RBFOX3: variants seen among roughly 807,000 people sequenced by gnomAD.
The protein encoded by RBFOX3 is RNA binding protein fox-1 homolog 3.
RBFOX3 carries 17 observed loss-of-function variants against 48.7 expected under a neutral mutation model. The observed-to-expected ratio is 0.35, with a 90% confidence interval of 0.24 to 0.52. The LOEUF is 0.52. Ranked by LOEUF, RBFOX3 falls within the 20% of genes least tolerant of loss-of-function variation. The pLI, the probability that RBFOX3 is intolerant of heterozygous loss-of-function variation, is 0.94. For synonymous variants in RBFOX3, 212 were observed against 209.5 expected, an observed-to-expected ratio of 1.01 and a Z score of -0.10; for missense variants, 382 against 497.5, an observed-to-expected ratio of 0.77 and a Z score of 2.21.
chr17:79,510,180 G>A (rs1025451244), intron 1 of RBFOX3, among the ~76,000 whole-genome samples: 3 of 152,094 alleles, frequency 2.0e-5, no homozygotes, highest in Non-Finnish European at 2.9e-5. Flanking sequence ...GGAATTGTCT[G>A]GTGTCGACAG....
At chr17:79,652,346 G>C in the RBFOX3 span, among the ~76,000 whole-genome samples, 2 of 151,724 alleles carry the variant, frequency 1.3e-5, no homozygotes, top group Non-Finnish European at 2.9e-5. Context: ...AGAAGTGTTA[G>C]AAAATAAAAT....
chr17:79,336,580 C>A (rs1462931172), intron 2 of RBFOX3, among the ~76,000 whole-genome samples: 1 of 152,130 alleles, frequency 6.6e-6, no homozygotes, highest in Non-Finnish European at 1.5e-5. Context: ...TCAGTGAGAC[C>A]CACAGGTGAG....
At chr17:79,150,260 C>T (rs866536979) in intron 4 of RBFOX3, among the ~76,000 whole-genome samples, 11 of 151,860 alleles carry the variant, frequency 7.2e-5, no homozygotes, top group South Asian at 4.2e-4. Context: ...CACAAAGCCT[C>T]GTGGGGGGTC....
chr17:79,397,146 T>C (rs2062090160), intron 2 of RBFOX3, among the ~76,000 whole-genome samples: 1 of 152,200 alleles, frequency 6.6e-6, no homozygotes, highest in Non-Finnish European at 1.5e-5. Flanking sequence ...AGGATTTCCT[T>C]GCCATAGCAT....
chr17:79,245,979 C>T (rs2063117026), intron 3 of RBFOX3, among the ~76,000 whole-genome samples: 1 of 152,006 alleles, frequency 6.6e-6, no homozygotes, highest in Admixed American at 6.6e-5. Context: ...ACGTCATTGG[C>T]CCCATTTCCC....
Position 79,390,871 on chromosome 17 carries a change from A to AGACACCTCGGGAT in RBFOX3, c.-174-83060_-174-83048dup. ...CTCACCAGGAGGCACCTTCCTGCCC[A>AGACACCTCGGGAT]GACACCTCGGGATGAGCCCCTGGTG... On this transcript the variant is annotated intron_variant, in intron 2 of 14. Coordinates refer to ENST00000693108, the MANE Select transcript of RBFOX3 (RefSeq NM_001350451.2). This position sits in a 1 kb window ranked among gnomAD's most constrained non-coding sequence, Gnocchi z 4.2. Among the ~76,000 whole-genome samples the AGACACCTCGGGAT allele has an allele frequency of 1.3e-5, 2 of 152,148 alleles. No homozygotes were observed. The highest frequency in any genetic ancestry group is 4.8e-5 in the African/African-American group (2 of 41,440).
At chr17:79,171,385 G>A (rs2049252480) in intron 4 of RBFOX3, among the ~76,000 whole-genome samples, 1 of 152,180 alleles carries the variant, frequency 6.6e-6, no homozygotes, top group African/African-American at 2.4e-5. Flanking sequence ...TCTACGAGGG[G>A]CCAGAGAGCA....
At chr17:79,097,181 C>T (rs7214424) in intron 11 of RBFOX3, 111 bp downstream of exon 11, 98 of 922,042 alleles carry the variant, frequency 1.1e-4, no homozygotes, top group African/African-American at 2.0e-4. Flanking sequence ...CCTCCCCCCC[C>T]CCAGGTCTGG....
At chr17:79,124,833 G>A (rs1368060215) in intron 4 of RBFOX3, among the ~76,000 whole-genome samples, 1 of 152,140 alleles carries the variant, frequency 6.6e-6, no homozygotes, top group African/African-American at 2.4e-5. Flanking sequence ...GAGGAGTGTG[G>A]GTCTGGTGTA....
chr17:79,236,354 T>C (rs2061635451), intron 3 of RBFOX3, among the ~76,000 whole-genome samples: 2 of 152,152 alleles, frequency 1.3e-5, no homozygotes, highest in South Asian at 4.1e-4. Context: ...AATGGTGCGA[T>C]CTTGGCTCAC....
At chr17:79,328,086 G>A (rs991531366) in intron 2 of RBFOX3, among the ~76,000 whole-genome samples, 3 of 152,240 alleles carry the variant, frequency 2.0e-5, no homozygotes, top group African/African-American at 7.2e-5. Context: ...GGTCACACCT[G>A]CTGAGCAGTG....
chr17:79,194,508 A>C (rs1025616525), intron 4 of RBFOX3, among the ~76,000 whole-genome samples: 2 of 152,146 alleles, frequency 1.3e-5, no homozygotes, highest in Admixed American at 6.6e-5. Context: ...GGGGAGGCTG[A>C]GGCAGGAGAA....
chr17:79,574,549 G>C (rs2092793325), intron 1 of RBFOX3, among the ~76,000 whole-genome samples: 1 of 152,126 alleles, frequency 6.6e-6, no homozygotes, highest in South Asian at 2.1e-4. Flanking sequence ...TCTAAAAAGG[G>C]GAGGAACCCT....
chr17:79,571,171 C>T (rs1189355906), intron 1 of RBFOX3, among the ~76,000 whole-genome samples: 1 of 152,210 alleles, frequency 6.6e-6, no homozygotes. Context: ...CTGGTAGCAT[C>T]AGGCATTCAA....
intron 1 of RBFOX3, among the ~76,000 whole-genome samples, chr17:79,550,619 T>C (rs1230063035): frequency 7.2e-5 from 11 of 152,108 alleles, no homozygotes; most frequent in Admixed American, 5.9e-4. Context: ...AGTGGACAGA[T>C]GATGGGTGGA....
At chr17:79,096,551 A>G in intron 12 of RBFOX3, 102 bp downstream of exon 12, 1 of 967,888 alleles carries the variant, frequency 1.0e-6, no homozygotes. Flanking sequence ...GTGGGATGGG[A>G]TGGGATGGGA....
chr17:79,356,999 C>G (rs1356736209), intron 2 of RBFOX3, among the ~76,000 whole-genome samples: 2 of 152,158 alleles, frequency 1.3e-5, no homozygotes, highest in Admixed American at 1.3e-4. Context: ...AAAGTGTCCC[C>G]CTGAGCACTC....
At chr17:79,351,493 A>G (rs562637737) in intron 2 of RBFOX3, among the ~76,000 whole-genome samples, 2 of 152,174 alleles carry the variant, frequency 1.3e-5, no homozygotes, top group Admixed American at 6.5e-5. Flanking sequence ...TCCACCTCCC[A>G]GCTTCAATCT....
At chr17:79,607,735 C>A (rs2093866827) in intron 1 of RBFOX3, among the ~76,000 whole-genome samples, 1 of 152,168 alleles carries the variant, frequency 6.6e-6, no homozygotes, top group African/African-American at 2.4e-5. Context: ...CTGAATGTGG[C>A]TGGGAGAGAG....
Sources: gnomAD v4.1 joint callset for allele counts (sites outside exome capture counted in the v4.1 genomes callset) on GRCh38, gnomAD v4.1.1 for gene constraint, Gnocchi (gnomAD v3.1) non-coding constraint, MANE v1.5 for transcripts, NCBI Gene and HGNC (gene_info 2026-07-23, HGNC 2026-07-21) for gene names.